Variants in POLA1 observed in about 807,000 individuals in gnomAD.
POLA1 encodes DNA polymerase alpha 1, catalytic subunit.
In POLA1, 15 loss-of-function variants were observed where a neutral mutation model predicts 124.0. That is an observed-to-expected ratio of 0.12 (90% CI 0.08 to 0.19). POLA1 has a LOEUF of 0.19. Ranked by LOEUF, POLA1 falls within the 10% of genes least tolerant of loss-of-function variation. POLA1 has a pLI of 1.00. For missense variants in POLA1, 886 were observed against 1,103.4 expected, an observed-to-expected ratio of 0.80 and a Z score of 2.79; for synonymous variants, 408 against 389.4, an observed-to-expected ratio of 1.05 and a Z score of -0.56.
At chrX:24,976,040 A>G (rs1176345242) in intron 36 of POLA1, among the ~76,000 whole-genome samples, 1 of 112,581 alleles carries the variant, frequency 8.9e-6, no homozygotes, top group Non-Finnish European at 1.9e-5. Flanking sequence ...CTACTATACC[A>G]CAGGTGTGTT....
chrX:24,701,434 C>CTTTT (rs1331309084), intron 2 of POLA1, among the ~76,000 whole-genome samples: 1 of 93,200 alleles, frequency 1.1e-5, no homozygotes, highest in Non-Finnish European at 2.2e-5. Context: ...AGGTAGAACT[C>CTTTT]TTTTTTTTTT....
intron 31 of POLA1, among the ~76,000 whole-genome samples, chrX:24,824,888 A>G (rs2046147769): frequency 9.0e-6 from 1 of 111,635 alleles, no homozygotes; most frequent in Non-Finnish European, 1.9e-5. Context: ...AGTAACTCTA[A>G]TATTTTTAAA....
At chrX:24,953,795 T>A (rs2048074110) in intron 36 of POLA1, among the ~76,000 whole-genome samples, 1 of 112,265 alleles carries the variant, frequency 8.9e-6, no homozygotes. Context: ...AGAAATTATG[T>A]ACGGAGGTCT....
chrX:24,977,751 C>G (rs1385617194), intron 36 of POLA1, among the ~76,000 whole-genome samples: 1 of 112,130 alleles, frequency 8.9e-6, no homozygotes, highest in Non-Finnish European at 1.9e-5. Flanking sequence ...TTCTTGTGTG[C>G]TGGTCAGATT....
At chrX:24,970,386 T>A (rs2048287047) in intron 36 of POLA1, among the ~76,000 whole-genome samples, 1 of 112,158 alleles carries the variant, frequency 8.9e-6, no homozygotes, top group Admixed American at 9.5e-5. Context: ...ATCCTGGACA[T>A]AGGAACAGGC....
At chrX:24,821,999 G>C (rs2046095132) in intron 31 of POLA1, among the ~76,000 whole-genome samples, 1 of 110,606 alleles carries the variant, frequency 9.0e-6, no homozygotes, top group South Asian at 3.8e-4. Flanking sequence ...GAAGTTGAGA[G>C]ATCCTATGAA....
intron 26 of POLA1, among the ~76,000 whole-genome samples, chrX:24,798,089 C>A (rs1031626239): frequency 5.2e-4 from 58 of 111,011 alleles, no homozygotes; most frequent in African/African-American, 1.9e-3. Flanking sequence ...AGATTGCTTT[C>A]TTTTAAAGCA....
At chrX:24,867,509 C>G (rs1488533559) in intron 34 of POLA1, among the ~76,000 whole-genome samples, 1 of 111,440 alleles carries the variant, frequency 9.0e-6, no homozygotes, top group Non-Finnish European at 1.9e-5. Flanking sequence ...AGAATGTAAG[C>G]TAGTTTTCTA....
At chrX:24,889,757 G>A (rs765192227) in intron 35 of POLA1, among the ~76,000 whole-genome samples, 13 of 111,185 alleles carry the variant, frequency 1.2e-4, no homozygotes, top group Admixed American at 1.9e-4. Flanking sequence ...ATTCACAGGC[G>A]CAATCATGGC....
intron 26 of POLA1, among the ~76,000 whole-genome samples, chrX:24,793,170 G>T (rs1446883886): frequency 2.8e-5 from 3 of 105,750 alleles, no homozygotes; most frequent in African/African-American, 1.0e-4. Flanking sequence ...CCAGCTACTT[G>T]GGAGGCTGAG....
intron 26 of POLA1, among the ~76,000 whole-genome samples, chrX:24,757,435 A>AATTTTTTTTTTTTTT (rs1569298336): frequency 1.5e-5 from 1 of 64,642 alleles, no homozygotes; most frequent in African/African-American, 1.2e-4. Context: ...AAAATCTGAA[A>AATTTTTTTTTTTTTT]CTTTTTTTTT....
intron 26 of POLA1, among the ~76,000 whole-genome samples, chrX:24,749,227 A>G (rs1416244620): frequency 2.8e-5 from 3 of 106,964 alleles, no homozygotes; most frequent in Non-Finnish European, 5.8e-5. Flanking sequence ...CTAGGTTCTC[A>G]GGATAGAGTG....
At chrX:24,775,855 G>C (rs2045129742) in intron 26 of POLA1, among the ~76,000 whole-genome samples, 1 of 111,529 alleles carries the variant, frequency 9.0e-6, no homozygotes, top group Non-Finnish European at 1.9e-5. Flanking sequence ...ATCTCATTTA[G>C]GCTGAAAGGA....
At chrX:24,865,694 A>G (rs1407383057) in intron 34 of POLA1, among the ~76,000 whole-genome samples, 5 of 111,612 alleles carry the variant, frequency 4.5e-5, no homozygotes, top group Non-Finnish European at 9.4e-5. Flanking sequence ...ACTTACTAAA[A>G]AGCTATGGTC....
chrX:24,923,115 G>C (rs191857044), intron 35 of POLA1, among the ~76,000 whole-genome samples: 1 of 111,489 alleles, frequency 9.0e-6, no homozygotes, highest in African/African-American at 3.3e-5. Context: ...GAAGCCAGCC[G>C]TGTCTCCTCA....
chrX:24,855,020 G>A (rs1332885148), intron 34 of POLA1, among the ~76,000 whole-genome samples: 1 of 111,687 alleles, frequency 9.0e-6, no homozygotes, highest in Non-Finnish European at 1.9e-5. Context: ...GAAAATGTGA[G>A]ATAAATGTTA....
At chrX:24,808,172 G>A (rs1425667148) in intron 26 of POLA1, among the ~76,000 whole-genome samples, 2 of 111,710 alleles carry the variant, frequency 1.8e-5, no homozygotes, top group East Asian at 2.8e-4. Flanking sequence ...ATGGAGTCAG[G>A]CGCTTTCCAC....
intron 36 of POLA1, among the ~76,000 whole-genome samples, chrX:24,992,209 G>T (rs1346655913): frequency 1.8e-5 from 2 of 111,342 alleles, no homozygotes; most frequent in Non-Finnish European, 3.8e-5. Flanking sequence ...TCTACGTGTA[G>T]AGAGCGTAGA....
chrX:24,786,588 A>C (rs2148460405), intron 26 of POLA1, among the ~76,000 whole-genome samples: 1 of 108,699 alleles, frequency 9.2e-6, no homozygotes, highest in South Asian at 4.1e-4. Flanking sequence ...AGCTCACTGC[A>C]GCCTCAAACT....
Sources: allele counts gnomAD v4.1 joint callset (sites outside exome capture counted in the v4.1 genomes callset), GRCh38; gene constraint gnomAD v4.1.1; transcripts MANE v1.5; gene names NCBI Gene and HGNC (gene_info 2026-07-23, HGNC 2026-07-21).